Variants in WDPCP observed in about 807,000 individuals in gnomAD.
WDPCP encodes WD repeat containing planar cell polarity effector.
Under a neutral mutation model 93.1 loss-of-function variants are expected in WDPCP, and 71 were observed. That is an observed-to-expected ratio of 0.76 (90% CI 0.63 to 0.93). The LOEUF is 0.93. Ranked by LOEUF, WDPCP falls within the 40% of genes least tolerant of loss-of-function variation. The pLI, the probability that WDPCP is intolerant of heterozygous loss-of-function variation, is 0.00. For missense variants in WDPCP, 844 were observed against 887.4 expected (o/e 0.95, Z 0.62); for synonymous variants, 315 against 315.0 (o/e 1.00, Z 0.00).
chr2:63,618,832 G>C (rs1305407921), intron 3 of WDPCP, among the ~76,000 whole-genome samples: 1 of 152,034 alleles, frequency 6.6e-6, no homozygotes, highest in African/African-American at 2.4e-5. Flanking sequence ...TGGGATTACA[G>C]GTATGCACCA....
intron 2 of WDPCP, among the ~76,000 whole-genome samples, chr2:63,728,266 A>G (rs897681589): frequency 6.6e-6 from 1 of 152,232 alleles, no homozygotes; most frequent in Non-Finnish European, 1.5e-5. Context: ...AGTGAACAAA[A>G]ACGGTCTTTC....
chr2:63,540,879 G>T (rs976934969), intron 1 of WDPCP, among the ~76,000 whole-genome samples: 1 of 151,730 alleles, frequency 6.6e-6, no homozygotes, highest in Non-Finnish European at 1.5e-5. Flanking sequence ...AAGTAGCTGG[G>T]ACTACAGGTG....
intron 13 of WDPCP, among the ~76,000 whole-genome samples, chr2:63,287,504 G>A (rs1684097997): frequency 6.6e-6 from 1 of 152,152 alleles, no homozygotes; most frequent in South Asian, 2.1e-4. Context: ...CTCAGGGCAT[G>A]AAGAACTTTT....
chr2:63,643,975 A>G (rs1363092413), intron 3 of WDPCP: 3 of 482,372 alleles, frequency 6.2e-6, no homozygotes, highest in African/African-American at 3.9e-5. Flanking sequence ...TAAACACACC[A>G]ATCAATTTAT....
intron 12 of WDPCP, among the ~76,000 whole-genome samples, chr2:63,317,222 G>A (rs1686711456): frequency 6.6e-6 from 1 of 151,896 alleles, no homozygotes; most frequent in Admixed American, 6.6e-5. Flanking sequence ...GCTCATACCT[G>A]TAATCCCAGC....
chr2:63,575,247 A>G (rs1360564220), intron 1 of WDPCP, among the ~76,000 whole-genome samples: 2 of 150,302 alleles, frequency 1.3e-5, no homozygotes, highest in East Asian at 4.0e-4. Flanking sequence ...TCTACTATAG[A>G]TAGTATGTCT....
intron 2 of WDPCP, among the ~76,000 whole-genome samples, chr2:63,707,720 C>T (rs1010286385): frequency 8.5e-5 from 13 of 152,128 alleles, no homozygotes; most frequent in Non-Finnish European, 1.6e-4. Context: ...TTAGAGTTTC[C>T]GGTTTTTCTG....
In WDPCP at chr2:63,323,922, G is replaced by A. The variant is rs535093800; in HGVS notation, c.1749-10611C>T. 2.0e-5 allele frequency among the ~76,000 whole-genome samples: 3 copies of A among 152,150 alleles called. No homozygotes were observed. The South Asian group carries it at 6.2e-4, about 32-fold the overall frequency. On this transcript the variant is annotated intron_variant, in intron 12 of 17. Coordinates refer to ENST00000272321, the MANE Select transcript of WDPCP (RefSeq NM_015910.7). ...CCGTTGCAGGTTTGTGGGTGGGGGAGAAACAAAACAAACCAAAACCACAGG... is the reference window on the plus strand; with the variant it reads ...CCGTTGCAGGTTTGTGGGTGGGGGAAAAACAAAACAAACCAAAACCACAGG...
At chr2:63,576,213 G>A (rs1383487840) in intron 1 of WDPCP, among the ~76,000 whole-genome samples, 3 of 152,038 alleles carry the variant, frequency 2.0e-5, no homozygotes, top group Non-Finnish European at 1.5e-5. Flanking sequence ...CACAGGTAAC[G>A]ACTCAGTCCC....
intron 6 of WDPCP, among the ~76,000 whole-genome samples, chr2:63,470,207 C>A (rs1460778854): frequency 2.0e-5 from 3 of 152,212 alleles, no homozygotes; most frequent in Non-Finnish European, 4.4e-5. Context: ...TGATCTTCAC[C>A]AGTCTTTTGG....
At chr2:63,295,212 T>A (rs954014118) in intron 13 of WDPCP, among the ~76,000 whole-genome samples, 2 of 151,688 alleles carry the variant, frequency 1.3e-5, no homozygotes, top group African/African-American at 4.8e-5. Context: ...CACCCAAACA[T>A]GAAAAAGACA....
intron 2 of WDPCP, among the ~76,000 whole-genome samples, chr2:63,803,413 G>A (rs1457915981): frequency 6.6e-6 from 1 of 152,076 alleles, no homozygotes; most frequent in Admixed American, 6.6e-5. Context: ...AACCAGAAAA[G>A]TACCATCTTA....
At chr2:63,401,098 G>A (rs1258039503) in intron 10 of WDPCP, among the ~76,000 whole-genome samples, 1 of 152,066 alleles carries the variant, frequency 6.6e-6, no homozygotes, top group Non-Finnish European at 1.5e-5. Flanking sequence ...AAGACTTCAT[G>A]ACGAAAAAAC....
intron 2 of WDPCP, among the ~76,000 whole-genome samples, chr2:63,681,143 C>T (rs1710487848): frequency 1.3e-5 from 2 of 152,130 alleles, no homozygotes; most frequent in Admixed American, 1.3e-4. Context: ...GAGGCTCCTT[C>T]TGCTTGAGAA....
intron 1 of WDPCP, among the ~76,000 whole-genome samples, chr2:63,530,942 G>A (rs1303469920): frequency 6.6e-6 from 1 of 152,242 alleles, no homozygotes; most frequent in Non-Finnish European, 1.5e-5. Context: ...TCCTAGCCAA[G>A]CGAAGCAGTA....
rs1217560331 is a variant in WDPCP at position 63,453,085 on chromosome 2, T to G, written c.385-13214A>C. On this transcript the variant is annotated intron_variant, in intron 6 of 17. Transcript: ENST00000272321. ...AAGCAATGGCAACAAAAGCCAAAAT[T>G]GACAAATGGGATCTAATTAAACTAA... 3.9e-5 allele frequency among the ~76,000 whole-genome samples: 6 copies of G among 152,154 alleles called. No individual in the cohort carries two copies. The East Asian group carries it at 5.8e-4, about 15-fold the overall frequency.
intron 1 of WDPCP, among the ~76,000 whole-genome samples, chr2:63,542,405 G>A (rs1326562622): frequency 6.6e-6 from 1 of 152,172 alleles, no homozygotes; most frequent in Non-Finnish European, 1.5e-5. Context: ...TCTTTTAAAA[G>A]AACGATTTCT....
At chr2:63,820,581 T>G (rs1179813667) in intron 1 of WDPCP, among the ~76,000 whole-genome samples, 1 of 152,202 alleles carries the variant, frequency 6.6e-6, no homozygotes, top group Admixed American at 6.5e-5. Flanking sequence ...GTTCCAAAGT[T>G]GCTAAGCAAA....
intron 10 of WDPCP, among the ~76,000 whole-genome samples, chr2:63,386,373 G>GA (rs1286056165): frequency 6.6e-6 from 1 of 151,872 alleles, no homozygotes; most frequent in African/African-American, 2.4e-5. Context: ...AATAAGTAAA[G>GA]AAAAAATCCA....
Sources: allele counts gnomAD v4.1 joint callset (sites outside exome capture counted in the v4.1 genomes callset), GRCh38; gene constraint gnomAD v4.1.1; transcripts MANE v1.5; gene names NCBI Gene and HGNC (gene_info 2026-07-23, HGNC 2026-07-21).